Variants in ANKH observed in about 807,000 individuals in gnomAD.
ANKH encodes the protein ANKH inorganic pyrophosphate transport regulator.
In ANKH, 15 loss-of-function variants were observed where a neutral mutation model predicts 49.0. The ratio of observed to expected loss-of-function variants is 0.31; its 90% CI spans 0.20 to 0.47. The LOEUF is 0.47. Among genes scored for constraint, ANKH ranks in the 20% least tolerant of loss-of-function variants. ANKH has a pLI of 1.00. For synonymous variants in ANKH, 273 were observed against 260.0 expected (o/e 1.05, Z -0.48); for missense variants, 429 against 652.0 (o/e 0.66, Z 3.72).
intron 1 of ANKH, among the ~76,000 whole-genome samples, chr5:14,851,293 C>T (rs529999723): frequency 1.4e-4 from 21 of 152,342 alleles, no homozygotes; most frequent in African/African-American, 4.6e-4. Flanking sequence ...AACACCAAGA[C>T]TGGACTCCGC....
chr5:14,788,610 C>T (rs781221196), intron 1 of ANKH, among the ~76,000 whole-genome samples: 28 of 152,102 alleles, frequency 1.8e-4, no homozygotes, highest in Non-Finnish European at 3.4e-4. Context: ...AATTAATTGC[C>T]GTAAGGATTA....
Position 14,809,122 on chromosome 5 carries a change from G to C in ANKH, c.97-39931C>G, listed in dbSNP as rs1740792888. ...ACACCGCATATTCTCACTCATAGGT[G>C]GGAATTGAACAATGAGATCACATGG... On this transcript the variant is annotated intron_variant, in intron 1 of 11. Transcript: ENST00000284268. 2.4e-5 allele frequency among the ~76,000 whole-genome samples: 3 copies of C among 124,554 alleles called. No homozygotes were observed. The South Asian group carries it at 8.3e-4, about 35-fold the overall frequency. The allele number at this position is 124,554 out of a possible 152,430, so 81.7% of individuals were successfully genotyped here.
intron 1 of ANKH, among the ~76,000 whole-genome samples, chr5:14,845,242 T>C (rs1200685242): frequency 6.6e-6 from 1 of 152,040 alleles, no homozygotes; most frequent in Non-Finnish European, 1.5e-5. Flanking sequence ...CTTGGATGAA[T>C]AACGAGTCCA....
chr5:14,816,232 G>A (rs1741032551), intron 1 of ANKH, among the ~76,000 whole-genome samples: 1 of 152,218 alleles, frequency 6.6e-6, no homozygotes, highest in African/African-American at 2.4e-5. Flanking sequence ...TCTTAGGACA[G>A]GACACCTGAG....
At chr5:14,721,658 G>T (rs1022617881) in intron 8 of ANKH, among the ~76,000 whole-genome samples, 1 of 152,164 alleles carries the variant, frequency 6.6e-6, no homozygotes, top group Admixed American at 6.5e-5. Flanking sequence ...TGAGCTGGGC[G>T]TGGTGGCTCA....
At chr5:14,755,639 C>T (rs1445657517) in intron 4 of ANKH, among the ~76,000 whole-genome samples, 1 of 152,178 alleles carries the variant, frequency 6.6e-6, no homozygotes. Context: ...ATTCTTACAA[C>T]CCATATTCTA....
At chr5:14,760,683 T>A (rs1037176594) in intron 2 of ANKH, among the ~76,000 whole-genome samples, 3 of 152,174 alleles carry the variant, frequency 2.0e-5, no homozygotes, top group Admixed American at 6.5e-5. Flanking sequence ...AAGGCAGCTG[T>A]GCCAGGCGAG....
chr5:14,798,475 T>A, intron 1 of ANKH: 1 of 1,132,626 alleles, frequency 8.8e-7, no homozygotes, highest in Non-Finnish European at 1.2e-6. Flanking sequence ...GCGTTCGCTC[T>A]GCGCACGCGG....
In ANKH at chr5:14,739,163, T is replaced by C. The variant is rs548317238; in HGVS notation, c.1011+2664A>G. ...TGGGCGCAGTGGCTCATGCCTGTAATCCCAGCACTTTGGGAGGCCGAGGCG... is the reference window on the plus strand; with the variant it reads ...TGGGCGCAGTGGCTCATGCCTGTAACCCCAGCACTTTGGGAGGCCGAGGCG... On this transcript the variant is annotated intron_variant, in intron 8 of 11. Transcript: ENST00000284268. Among the ~76,000 whole-genome samples, 3 of 152,296 alleles carry C rather than the reference T, an allele frequency of 2.0e-5. No individual in the cohort carries two copies. In the East Asian group the frequency reaches 5.8e-4, roughly 29 times the overall value.
intron 1 of ANKH, among the ~76,000 whole-genome samples, chr5:14,791,574 C>T (rs776153790): frequency 1.3e-5 from 2 of 152,116 alleles, no homozygotes; most frequent in African/African-American, 4.8e-5. Context: ...AAATCAGCCA[C>T]CCCAAAGTCA....
chr5:14,826,888 T>A (rs1229195775), intron 1 of ANKH, among the ~76,000 whole-genome samples: 2 of 152,204 alleles, frequency 1.3e-5, no homozygotes, highest in Admixed American at 6.5e-5. Context: ...GTTTCCCACG[T>A]CCCTCTGCAG....
chr5:14,758,173 A>G (rs1738961560), intron 3 of ANKH, among the ~76,000 whole-genome samples: 1 of 152,238 alleles, frequency 6.6e-6, no homozygotes, highest in Non-Finnish European at 1.5e-5. Flanking sequence ...GCCAATTACA[A>G]AAGTACAAAC....
chr5:14,730,483 G>A (rs540194224), intron 8 of ANKH, among the ~76,000 whole-genome samples: 1 of 152,276 alleles, frequency 6.6e-6, no homozygotes, highest in Non-Finnish European at 1.5e-5. Context: ...GCCACGAGGA[G>A]GAAAACAGAA....
At chr5:14,764,746 T>G (rs931753462) in intron 2 of ANKH, among the ~76,000 whole-genome samples, 2 of 152,170 alleles carry the variant, frequency 1.3e-5, no homozygotes, top group East Asian at 1.9e-4. Context: ...TAATAACCCA[T>G]GAATAATGGG....
Position 14,737,993 on chromosome 5 carries a change from C to T in ANKH, c.1011+3834G>A, listed in dbSNP as rs16903678. On this transcript the variant is annotated intron_variant, in intron 8 of 11. Coordinates refer to ENST00000284268, the MANE Select transcript of ANKH (RefSeq NM_054027.6). This position sits in a 1 kb window ranked among gnomAD's most constrained non-coding sequence, Gnocchi z 5.0. ...TGAAGGACTGAAAGCAAGATGCTAA[C>T]GGAAATGGCGAACATTTCCATTTTC... is the stretch of plus-strand genomic sequence containing the variant. Among the ~76,000 whole-genome samples the T allele has an allele frequency of 0.018, 2,795 of 152,296 alleles. 98 individuals carry two copies. The highest frequency in any genetic ancestry group is 0.064 in the African/African-American group (2,662 of 41,548).
chr5:14,821,586 C>T (rs1003712954), intron 1 of ANKH, among the ~76,000 whole-genome samples: 1 of 152,208 alleles, frequency 6.6e-6, no homozygotes, highest in Non-Finnish European at 1.5e-5. Flanking sequence ...AATGTACCAT[C>T]TTCACTGCCC....
intron 1 of ANKH, among the ~76,000 whole-genome samples, chr5:14,817,787 G>C (rs767648946): frequency 3.3e-5 from 5 of 152,054 alleles, no homozygotes; most frequent in Admixed American, 2.0e-4. Context: ...AAGAATAAAG[G>C]GTTCACTATA....
At chr5:14,772,695 A>G (rs1580056180) in intron 1 of ANKH, among the ~76,000 whole-genome samples, 2 of 152,230 alleles carry the variant, frequency 1.3e-5, no homozygotes, top group South Asian at 2.1e-4. Flanking sequence ...TCACCACTTG[A>G]CAATTTACCC....
chr5:14,783,370 C>T (rs1030880344), intron 1 of ANKH, among the ~76,000 whole-genome samples: 5 of 151,294 alleles, frequency 3.3e-5, no homozygotes, highest in Non-Finnish European at 7.4e-5. Flanking sequence ...ATTAAAATAG[C>T]ACTATTTTAC....
Sources: allele counts gnomAD v4.1 joint callset (sites outside exome capture counted in the v4.1 genomes callset), GRCh38; gene constraint gnomAD v4.1.1; non-coding constraint Gnocchi (gnomAD v3.1); transcripts MANE v1.5; gene names NCBI Gene and HGNC (gene_info 2026-07-23, HGNC 2026-07-21).